The following RBFOX3 variants were observed in gnomAD, a reference collection of about 807,000 sequenced individuals.
The protein encoded by RBFOX3 is RNA binding fox-1 homolog 3, also known as RNA binding protein fox-1 homolog 3.
A neutral mutation model predicts 48.7 loss-of-function variants in RBFOX3; 17 were observed. The ratio of observed to expected loss-of-function variants is 0.35; its 90% CI spans 0.24 to 0.52. The LOEUF is 0.52. Among genes scored for constraint, RBFOX3 ranks in the 20% least tolerant of loss-of-function variants. The pLI, the probability that RBFOX3 is intolerant of heterozygous loss-of-function variation, is 0.94. For synonymous variants in RBFOX3, 212 were observed against 209.5 expected, an observed-to-expected ratio of 1.01 and a Z score of -0.10; for missense variants, 382 against 497.5, an observed-to-expected ratio of 0.77 and a Z score of 2.21.
At chr17:79,219,929 T>A (rs1475244785) in intron 4 of RBFOX3, among the ~76,000 whole-genome samples, 1 of 150,436 alleles carries the variant, frequency 6.6e-6, no homozygotes, top group Non-Finnish European at 1.5e-5. Flanking sequence ...CAGCCCCCTG[T>A]CCCAGCCCCC....
intron 4 of RBFOX3, among the ~76,000 whole-genome samples, chr17:79,135,561 CAT>C (rs1182569421): frequency 6.6e-6 from 1 of 152,164 alleles, no homozygotes; most frequent in East Asian, 1.9e-4. Flanking sequence ...CTGGGCTGCC[CAT>C]GACTGGCCCG....
intron 3 of RBFOX3, among the ~76,000 whole-genome samples, chr17:79,248,838 C>T (rs1034238707): frequency 2.6e-5 from 4 of 152,220 alleles, no homozygotes; most frequent in Non-Finnish European, 5.9e-5. Context: ...ACTCAGCATC[C>T]AGCCTCACTT....
intron 2 of RBFOX3, among the ~76,000 whole-genome samples, chr17:79,333,028 G>A (rs1306972033): frequency 1.3e-5 from 2 of 151,660 alleles, no homozygotes; most frequent in Non-Finnish European, 2.9e-5. Flanking sequence ...GATGGGGTGG[G>A]GGAGAGACAT....
Position 79,244,814 on chromosome 17 carries a change from TC to T in RBFOX3, c.-73-9010del, listed in dbSNP as rs1182615983. Among the ~76,000 whole-genome samples, 40 of 148,266 alleles carry T rather than the reference TC, an allele frequency of 2.7e-4. 1 individual carries two copies. Among genetic ancestry groups the T allele is most frequent in the African/African-American group, 8.9e-4 (36 of 40,252 alleles). ...CTTCCTTCCTTCCCCCTCTCCTTTA[TC>T]CCTTTCCTTCCTTCTTTTCCTTCCT... On this transcript the variant is annotated intron_variant, in intron 3 of 14. Transcript: ENST00000693108.
chr17:79,104,215 C>A, intron 6 of RBFOX3, 89 bp from the exon 7 acceptor site: 1 of 1,151,622 alleles, frequency 8.7e-7, no homozygotes, highest in Non-Finnish European at 1.3e-6. Flanking sequence ...ACTCCTGAGA[C>A]GCTCATGCCT....
At chr17:79,571,930 A>T (rs1044910770) in intron 1 of RBFOX3, among the ~76,000 whole-genome samples, 202 of 152,228 alleles carry the variant, frequency 1.3e-3, no homozygotes, top group Non-Finnish European at 2.4e-3. Context: ...CCAGCGTCCT[A>T]TCTCACTGCC....
At chr17:79,183,827 T>G (rs2052770834) in intron 4 of RBFOX3, among the ~76,000 whole-genome samples, 1 of 152,102 alleles carries the variant, frequency 6.6e-6, no homozygotes, top group African/African-American at 2.4e-5. Flanking sequence ...CAACAGCTGA[T>G]CCCACACTTA....
At chr17:79,100,804 G>C (rs2076292496) in intron 9 of RBFOX3, among the ~76,000 whole-genome samples, 1 of 152,198 alleles carries the variant, frequency 6.6e-6, no homozygotes, top group Admixed American at 6.5e-5. Flanking sequence ...GCCACCAGTG[G>C]TCCCCCTGCT....
chr17:79,210,302 G>A (rs1217831979), intron 4 of RBFOX3, among the ~76,000 whole-genome samples: 1 of 152,206 alleles, frequency 6.6e-6, no homozygotes, highest in African/African-American at 2.4e-5. Flanking sequence ...TCACGCTAAT[G>A]CCACCGTCTT....
rs557538137 is a variant in RBFOX3, at chr17:79,182,827, G to A, written c.-34+52939C>T. Among the ~76,000 whole-genome samples, 30 of 148,844 alleles carry A rather than the reference G, an allele frequency of 2.0e-4. No homozygotes were observed. The South Asian group carries it at 6.1e-3, about 30-fold the overall frequency. ...CGCTGCAGCAGAGCTCGGCGCCCCC[G>A]CCGCCACCTCTGCGCGCCCCCCGGC... On this transcript the variant is annotated intron_variant, in intron 4 of 14. Coordinates refer to ENST00000693108, the MANE Select transcript of RBFOX3 (RefSeq NM_001350451.2).
chr17:79,588,439 C>T (rs1002442407), intron 1 of RBFOX3, among the ~76,000 whole-genome samples: 153 of 152,244 alleles, frequency 1.0e-3, no homozygotes, highest in Non-Finnish European at 1.8e-3. Context: ...CTCCAGGAGC[C>T]GAGCGCAGAC....
chr17:79,302,964 G>A (rs2075544854), intron 3 of RBFOX3, among the ~76,000 whole-genome samples: 1 of 152,162 alleles, frequency 6.6e-6, no homozygotes, highest in South Asian at 2.1e-4. Context: ...AGCACTTTGG[G>A]TATGTAAGGC....
At chr17:79,416,959 C>T (rs1555719440) in intron 2 of RBFOX3, among the ~76,000 whole-genome samples, 1 of 152,236 alleles carries the variant, frequency 6.6e-6, no homozygotes, top group Non-Finnish European at 1.5e-5. Context: ...CGAGGAATAC[C>T]ACAGTTGCCT....
At chr17:79,461,646 G>C (rs2075382421) in intron 2 of RBFOX3, among the ~76,000 whole-genome samples, 1 of 152,232 alleles carries the variant, frequency 6.6e-6, no homozygotes, top group Non-Finnish European at 1.5e-5. Flanking sequence ...CCAGAACTCA[G>C]ATATACCCAG....
intron 4 of RBFOX3, among the ~76,000 whole-genome samples, chr17:79,121,947 C>G (rs1404764067): frequency 6.6e-6 from 1 of 152,180 alleles, no homozygotes; most frequent in African/African-American, 2.4e-5. Flanking sequence ...ACTTGGACAT[C>G]TGATACACTT....
At position 79,390,024 on chromosome 17, in the gene RBFOX3, T is replaced by G. The variant is rs374530779; in HGVS notation, c.-174-82200A>C. Among the ~76,000 whole-genome samples the G allele has an allele frequency of 7.0e-5, 7 of 99,446 alleles. No individual in the cohort carries two copies. Among genetic ancestry groups the G allele is most frequent in the East Asian group, 3.3e-4 (1 of 3,020 alleles). The allele number at this position is 99,446 out of a possible 152,430, so 65.2% of individuals were successfully genotyped here. On this transcript the variant is annotated intron_variant, in intron 2 of 14. Transcript: ENST00000693108. The surrounding 1 kb of genome is among the most constrained non-coding windows in gnomAD (Gnocchi z 4.2). ...CCGCAGCCTCCAGGTCTCCGCAGCCTCCAGGTCTCCGTAGCCTCCAGGTCT... is the reference window on the plus strand; with the variant it reads ...CCGCAGCCTCCAGGTCTCCGCAGCCGCCAGGTCTCCGTAGCCTCCAGGTCT...
intron 1 of RBFOX3, among the ~76,000 whole-genome samples, chr17:79,486,363 C>A (rs2079604853): frequency 1.3e-5 from 2 of 152,138 alleles, no homozygotes; most frequent in African/African-American, 4.8e-5. Context: ...GTATTTATTG[C>A]CCCTCACCAT....
intron 4 of RBFOX3, among the ~76,000 whole-genome samples, chr17:79,170,135 AAGGAG>A (rs1568273551): frequency 7.3e-6 from 1 of 136,874 alleles, no homozygotes; most frequent in East Asian, 2.3e-4. Context: ...AGGAAGGAGG[AAGGAG>A]GGAAGGAAGG....
At chr17:79,495,914 C>A (rs1177919952) in intron 1 of RBFOX3, among the ~76,000 whole-genome samples, 1 of 151,864 alleles carries the variant, frequency 6.6e-6, no homozygotes, top group African/African-American at 2.4e-5. Context: ...AGGCCTCCAG[C>A]CTCGGCACAG....
Sources: allele counts gnomAD v4.1 joint callset (sites outside exome capture counted in the v4.1 genomes callset), GRCh38; gene constraint gnomAD v4.1.1; non-coding constraint Gnocchi (gnomAD v3.1); transcripts MANE v1.5; gene names NCBI Gene and HGNC (gene_info 2026-07-23, HGNC 2026-07-21).